Variants in DNAH9 observed in about 807,000 individuals in gnomAD.
DNAH9 encodes the protein dynein axonemal heavy chain 9.
In DNAH9, 345 loss-of-function variants were observed where a neutral mutation model predicts 471.6. The observed-to-expected ratio is 0.73, with a 90% CI of 0.67 to 0.80. DNAH9 has a LOEUF of 0.80. Among genes scored for constraint, DNAH9 ranks in the 30% least tolerant of loss-of-function variants. The probability of loss-of-function intolerance (pLI) is 0.00; values close to 1 mark genes in which losing one functional copy is unlikely to be tolerated. For synonymous variants in DNAH9, 2,093 were observed against 2,123.6 expected (o/e 0.99, Z 0.40); for missense variants, 5,407 against 5,609.2 (o/e 0.96, Z 1.15).
chr17:11,869,090 A>C (rs374888828), intron 50 of DNAH9, 44 bp from the exon 51 acceptor site: 10 of 1,603,712 alleles, frequency 6.2e-6, no homozygotes, highest in African/African-American at 2.7e-5. Flanking sequence ...TGGTAGTTAC[A>C]TGGGCCGAAA....
In DNAH9 at chr17:11,615,617, A is replaced by AGC. The variant is rs2072725693; in HGVS notation, c.905-1793_905-1792dup. 2.0e-5 allele frequency among the ~76,000 whole-genome samples: 3 copies of AGC among 151,830 alleles called. No individual in the cohort carries two copies. In the South Asian group the frequency reaches 6.2e-4, roughly 32 times the overall value. ...AAAGAAAAAAAAAAGGTATGAGCCC[A>AGC]GCTCTCTCTCTCTCTCTCTTCATAT... On this transcript the variant is annotated intron_variant, in intron 4 of 68. Coordinates refer to ENST00000262442, the MANE Select transcript of DNAH9 (RefSeq NM_001372.4).
chr17:11,964,854 A>AC (rs530164773), intron 68 of DNAH9, among the ~76,000 whole-genome samples: 172 of 151,074 alleles, frequency 1.1e-3, no homozygotes, highest in Non-Finnish European at 2.0e-3. Flanking sequence ...CCTGTTCCCC[A>AC]CCCCCCCACA....
At chr17:11,830,658 T>C (rs1597708416) in intron 48 of DNAH9, among the ~76,000 whole-genome samples, 1 of 152,344 alleles carries the variant, frequency 6.6e-6, no homozygotes, top group East Asian at 1.9e-4. Flanking sequence ...CATGATGTCG[T>C]TATCAAGACG....
intron 60 of DNAH9, among the ~76,000 whole-genome samples, chr17:11,904,699 G>A (rs937136646): frequency 6.6e-6 from 1 of 150,934 alleles, no homozygotes; most frequent in Admixed American, 6.6e-5. Context: ...TGGGCAGTGA[G>A]CTGGACCCTG....
intron 50 of DNAH9, among the ~76,000 whole-genome samples, chr17:11,866,243 C>T: frequency 6.6e-6 from 1 of 151,926 alleles, no homozygotes; most frequent in South Asian, 2.1e-4. Flanking sequence ...ACAGACAGGA[C>T]CCTCAGCTGC....
At position 11,894,497 on chromosome 17, in the gene DNAH9, G is replaced by A. The variant is rs536602504; in HGVS notation, c.11406+1G>A. 30 of 1,613,986 alleles carry A rather than the reference G, an allele frequency of 1.9e-5. No homozygotes were observed. Among genetic ancestry groups the A allele is most frequent in the Non-Finnish European group, 2.5e-5 (29 of 1,179,902 alleles). On this transcript the variant is annotated splice_donor_variant, in intron 59 of 68. Transcript: ENST00000262442. LOFTEE classifies it high-confidence loss of function. ...CCATCAGGCGTGGGGAGCTGTCAAG[G>A]TCAGTATTGACCCCTAGAAAAAAGC...
intron 9 of DNAH9, among the ~76,000 whole-genome samples, chr17:11,639,770 G>A (rs1461083965): frequency 6.6e-6 from 1 of 152,154 alleles, no homozygotes; most frequent in Non-Finnish European, 1.5e-5. Flanking sequence ...AGCACTTTGG[G>A]GGATTGAGGC....
intron 15 of DNAH9, among the ~76,000 whole-genome samples, chr17:11,666,334 G>A (rs1348595690): frequency 6.6e-6 from 1 of 152,142 alleles, no homozygotes; most frequent in East Asian, 1.9e-4. Context: ...CTTCATCCTT[G>A]ACCAATGGCT....
At chr17:11,854,762 C>T (rs1971562952) in intron 50 of DNAH9, among the ~76,000 whole-genome samples, 1 of 152,258 alleles carries the variant, frequency 6.6e-6, no homozygotes, top group Admixed American at 6.5e-5. Flanking sequence ...TTTACCTGTT[C>T]CCTTCAGTTC....
At chr17:11,669,910 C>A in intron 17 of DNAH9, 116 bp downstream of exon 17, 1 of 914,340 alleles carries the variant, frequency 1.1e-6, no homozygotes, top group Non-Finnish European at 1.7e-6. Context: ...AAGATTAAGA[C>A]AGCTGGTTAG....
At chr17:11,665,871 C>T (rs1276815628) in intron 15 of DNAH9, among the ~76,000 whole-genome samples, 1 of 152,110 alleles carries the variant, frequency 6.6e-6, no homozygotes, top group Non-Finnish European at 1.5e-5. Flanking sequence ...GATATCCAGC[C>T]CATAAAAGAG....
chr17:11,748,514 C>T (rs549651511), intron 32 of DNAH9, among the ~76,000 whole-genome samples: 5 of 152,216 alleles, frequency 3.3e-5, no homozygotes, highest in African/African-American at 1.2e-4. Context: ...CACGACTCCC[C>T]TATTTGATGT....
chr17:11,935,186 TC>T (rs1274084787), intron 65 of DNAH9, among the ~76,000 whole-genome samples: 1 of 151,642 alleles, frequency 6.6e-6, no homozygotes, highest in Non-Finnish European at 1.5e-5. Flanking sequence ...GGTCTCGAAC[TC>T]CTAACCTCAG....
intron 50 of DNAH9, among the ~76,000 whole-genome samples, chr17:11,854,750 T>A (rs1016333261): frequency 6.6e-6 from 1 of 152,156 alleles, no homozygotes. Flanking sequence ...CACCTTACCC[T>A]TTTTACCTGT....
chr17:11,963,183 C>T (rs982891425), intron 68 of DNAH9, among the ~76,000 whole-genome samples: 3 of 152,058 alleles, frequency 2.0e-5, no homozygotes, highest in African/African-American at 7.2e-5. Context: ...ACCTGTAATC[C>T]CAGCACTTTG....
intron 4 of DNAH9, among the ~76,000 whole-genome samples, chr17:11,615,064 C>T (rs1009693827): frequency 6.6e-6 from 1 of 152,142 alleles, no homozygotes; most frequent in African/African-American, 2.4e-5. Context: ...CTGCTATATG[C>T]ATTGTTTTAA....
chr17:11,961,807 A>C, intron 67 of DNAH9, 60 bp from the exon 68 acceptor site: 1 of 1,532,036 alleles, frequency 6.5e-7, no homozygotes. Flanking sequence ...CTCTGAGGCC[A>C]GGTGTTTTCA....
In DNAH9 at chr17:11,871,599, T is replaced by C; in HGVS notation, c.10055T>C (p.Val3352Ala). The C allele has an allele frequency of 3.1e-6, 5 of 1,613,392 alleles. No individual in the cohort carries two copies. The highest frequency in any genetic ancestry group is 4.2e-6 in the Non-Finnish European group (5 of 1,179,358). The change falls in exon 52 of 69, where the codon GTT becomes GCT. Residue 3352 changes from valine (V) to alanine (A), a missense_variant and splice_region_variant. Val to Ala is a moderately conservative substitution (Grantham distance 64). Transcript: ENST00000262442. ...CCTCTCTGGCTTTTGAAATGGTAGG[T>C]TGGAGGACTCGCTTCTGAAAACGTG... Reference protein sequence around the residue: ...AVTISLANRLVGGLASENVRW... With the variant: ...AVTISLANRLAGGLASENVRW...
intron 1 of DNAH9, among the ~76,000 whole-genome samples, chr17:11,606,227 A>G (rs377677867): frequency 8.5e-5 from 13 of 152,246 alleles, no homozygotes; most frequent in East Asian, 3.9e-4. Flanking sequence ...TGCTGGGTCC[A>G]GGTATTCTAT....
Sources: allele counts gnomAD v4.1 joint callset (sites outside exome capture counted in the v4.1 genomes callset), GRCh38; gene constraint gnomAD v4.1.1; transcripts MANE v1.5; gene names NCBI Gene and HGNC (gene_info 2026-07-23, HGNC 2026-07-21).